The following PTPRT variants were observed in gnomAD, a reference collection of about 807,000 sequenced individuals.
The protein encoded by PTPRT is protein tyrosine phosphatase receptor type T.
A neutral mutation model predicts 176.8 loss-of-function variants in PTPRT; 56 were observed. That is an observed-to-expected ratio of 0.32 (90% CI 0.26 to 0.40). The LOEUF (loss-of-function observed/expected upper bound fraction) is 0.40. PTPRT is among the 10% of genes least tolerant of loss of function. The probability of loss-of-function intolerance (pLI) is 1.00; values close to 1 mark genes in which losing one functional copy is unlikely to be tolerated. For missense variants in PTPRT, 1,540 were observed against 1,908.2 expected, an observed-to-expected ratio of 0.81 and a Z score of 3.60; for synonymous variants, 783 against 739.0, an observed-to-expected ratio of 1.06 and a Z score of -0.96.
chr20:42,347,858 G>C (rs540543796), intron 11 of PTPRT, among the ~76,000 whole-genome samples: 1 of 152,296 alleles, frequency 6.6e-6, no homozygotes, highest in East Asian at 1.9e-4. Flanking sequence ...TGGGCAAACA[G>C]ACCAAGTTCT....
chr20:42,684,885 C>T (rs149016891), intron 6 of PTPRT, among the ~76,000 whole-genome samples: 1 of 152,070 alleles, frequency 6.6e-6, no homozygotes, highest in African/African-American at 2.4e-5. Context: ...AGAATAATCA[C>T]AAATAACACC....
intron 1 of PTPRT, among the ~76,000 whole-genome samples, chr20:43,135,909 C>G (rs1221334579): frequency 6.6e-6 from 1 of 152,190 alleles, no homozygotes. Flanking sequence ...TTTTAGAATG[C>G]CTTCTCTCTA....
Position 42,606,725 on chromosome 20 carries a change from T to G in PTPRT, c.1153+71141A>C, listed in dbSNP as rs551572008. 2.6e-5 allele frequency: 4 copies of G among 152,352 alleles called. No individual in the cohort carries two copies. The South Asian group carries it at 8.3e-4, about 32-fold the overall frequency. 9.4% of individuals were successfully genotyped at this position (152,352 alleles called of 1,614,324 possible). A position where few individuals can be genotyped will look rare whatever the true frequency, so the allele number is the denominator to read the frequency against. On this transcript the variant is annotated intron_variant, in intron 7 of 30. Transcript: ENST00000373187. ...CTCACACTCAATGTGATTAATTTAT[T>G]TGCTCTACATGGTCATTTGAGCATT...
intron 2 of PTPRT, among the ~76,000 whole-genome samples, chr20:42,857,617 T>C (rs2078588657): frequency 6.6e-6 from 1 of 152,210 alleles, no homozygotes; most frequent in Non-Finnish European, 1.5e-5. Flanking sequence ...TAAGTGGTCT[T>C]TGTGAAATCC....
At chr20:42,539,764 T>C (rs1295404974) in intron 7 of PTPRT, among the ~76,000 whole-genome samples, 1 of 148,564 alleles carries the variant, frequency 6.7e-6, no homozygotes, top group Non-Finnish European at 1.5e-5. Context: ...CAGAAAACAA[T>C]AAAAAGCTCT....
intron 7 of PTPRT, among the ~76,000 whole-genome samples, chr20:42,636,046 GAAATT>G (rs1484225085): frequency 6.6e-6 from 1 of 152,138 alleles, no homozygotes; most frequent in African/African-American, 2.4e-5. Flanking sequence ...TTGTACTTAT[GAAATT>G]AATAGAGTTG....
At chr20:43,130,500 G>A (rs918598655) in intron 1 of PTPRT, among the ~76,000 whole-genome samples, 5 of 151,990 alleles carry the variant, frequency 3.3e-5, no homozygotes, top group Non-Finnish European at 5.9e-5. Flanking sequence ...CCACACTCAC[G>A]AACAATGCAA....
chr20:42,055,383 G>C, the PTPRT span, among the ~76,000 whole-genome samples: 1 of 152,174 alleles, frequency 6.6e-6, no homozygotes, highest in African/African-American at 2.4e-5. Context: ...GACTAACATG[G>C]ATATTACGGA....
chr20:42,081,806 T>C, intron 30 of PTPRT, 76 bp downstream of exon 30: 3 of 1,544,114 alleles, frequency 1.9e-6, no homozygotes, highest in Non-Finnish European at 2.7e-6. Flanking sequence ...GTGATGTTAC[T>C]ATTTGATGTC....
At chr20:42,156,950 C>T (rs1989380896) in intron 17 of PTPRT, among the ~76,000 whole-genome samples, 1 of 152,202 alleles carries the variant, frequency 6.6e-6, no homozygotes, top group African/African-American at 2.4e-5. Flanking sequence ...CTTCTCAAAG[C>T]TCTGAGGTGG....
At chr20:42,384,531 G>A (rs904785012) in intron 9 of PTPRT, among the ~76,000 whole-genome samples, 2 of 152,104 alleles carry the variant, frequency 1.3e-5, no homozygotes, top group Non-Finnish European at 2.9e-5. Flanking sequence ...AGGTGGCTTC[G>A]ATGTCTTGGC....
rs1330258540 is a variant in PTPRT, at chr20:42,378,431, C to T, written c.1561-26146G>A. On this transcript the variant is annotated intron_variant, in intron 9 of 30. Transcript: ENST00000373187. ...GTTCCTGTGTTTTCTCTCCTGATGC[C>T]CTATTTTACTCTTCCTTTGCAACCT... Among the ~76,000 whole-genome samples, 4 of 152,080 alleles carry T rather than the reference C, an allele frequency of 2.6e-5. No individual in the cohort carries two copies. In the East Asian group the frequency reaches 7.7e-4, roughly 29 times the overall value.
chr20:42,800,588 A>G (rs2077516482), intron 2 of PTPRT, among the ~76,000 whole-genome samples: 1 of 152,130 alleles, frequency 6.6e-6, no homozygotes, highest in Admixed American at 6.5e-5. Flanking sequence ...CTCTTCACAC[A>G]TCCGTTGGCA....
At chr20:42,633,819 A>ATATATATATATATAT (rs1162225733) in intron 7 of PTPRT, among the ~76,000 whole-genome samples, 1 of 85,612 alleles carries the variant, frequency 1.2e-5, no homozygotes, top group African/African-American at 6.7e-5. Flanking sequence ...ATATATATAT[A>ATATATATATATATAT]ATAAAATATT....
chr20:42,057,596 CT>C, the PTPRT span, among the ~76,000 whole-genome samples: 5 of 151,308 alleles, frequency 3.3e-5, no homozygotes, highest in Non-Finnish European at 5.9e-5. Flanking sequence ...TTGTTCTTAT[CT>C]TTTTTTTTAG....
chr20:42,390,081 C>T (rs1041246175), intron 9 of PTPRT, among the ~76,000 whole-genome samples: 3 of 152,118 alleles, frequency 2.0e-5, no homozygotes, highest in East Asian at 1.9e-4. Flanking sequence ...CCCTATGCAA[C>T]GGACTCTAGG....
intron 7 of PTPRT, among the ~76,000 whole-genome samples, chr20:42,541,303 G>A (rs1258113395): frequency 1.3e-5 from 2 of 151,932 alleles, no homozygotes; most frequent in Non-Finnish European, 2.9e-5. Flanking sequence ...GAAGGTGGGT[G>A]TTGGGGGTAG....
chr20:42,947,104 T>C (rs1429381355), intron 1 of PTPRT, among the ~76,000 whole-genome samples: 1 of 152,162 alleles, frequency 6.6e-6, no homozygotes. Context: ...TGAATTAGAA[T>C]CAACTCTGAA....
chr20:43,026,542 A>T lies in PTPRT; in HGVS notation c.89-140610T>A, dbSNP rs183352347. Reference sequence around the variant, plus strand: ...AACAATGATAATAACCATAATAATCATAATCTTAAGTGGGGTATCTACTGC... The same window carrying T: ...AACAATGATAATAACCATAATAATCTTAATCTTAAGTGGGGTATCTACTGC... On this transcript the variant is annotated intron_variant, in intron 1 of 30. Transcript: ENST00000373187. Among the ~76,000 whole-genome samples, 538 of 152,324 alleles carry T rather than the reference A, an allele frequency of 3.5e-3. 4 individuals are homozygous for T. The highest frequency in any genetic ancestry group is 0.012 in the African/African-American group (513 of 41,560).
Sources: allele counts gnomAD v4.1 joint callset (sites outside exome capture counted in the v4.1 genomes callset), GRCh38; gene constraint gnomAD v4.1.1; transcripts MANE v1.5; gene names NCBI Gene and HGNC (gene_info 2026-07-23, HGNC 2026-07-21).